Variants in KIT observed in about 807,000 individuals in gnomAD.
KIT encodes mast/stem cell growth factor receptor Kit.
Under a neutral mutation model 105.7 loss-of-function variants are expected in KIT, and 16 were observed. The observed-to-expected ratio is 0.15, with a 90% CI of 0.10 to 0.23. KIT has a LOEUF of 0.23. Ranked by LOEUF, KIT falls within the 10% of genes least tolerant of loss-of-function variation. The pLI is 1.00. For synonymous variants in KIT, 438 were observed against 441.1 expected (o/e 0.99, Z 0.09); for missense variants, 858 against 1,213.8 (o/e 0.71, Z 4.36).
intron 1 of KIT, among the ~76,000 whole-genome samples, chr4:54,690,039 G>C (rs1017678243): frequency 4.3e-5 from 6 of 138,926 alleles, no homozygotes; most frequent in African/African-American, 1.4e-4. Context: ...GGCATGTATA[G>C]AATGTTACTT....
chr4:54,722,112 A>G (rs140166889), intron 7 of KIT, among the ~76,000 whole-genome samples: 9,457 of 152,030 alleles, frequency 0.062, 952 homozygotes, highest in African/African-American at 0.21. Context: ...CAGCCTACCG[A>G]GTAGCTGGGA....
At chr4:54,709,230 AG>A (rs2109713314) in intron 6 of KIT, among the ~76,000 whole-genome samples, 193 bp from the exon 7 acceptor site, 1 of 152,328 alleles carries the variant, frequency 6.6e-6, no homozygotes, top group African/African-American at 2.4e-5. Context: ...CTCTCACAAC[AG>A]GCGTTGGTCC....
intron 1 of KIT, among the ~76,000 whole-genome samples, chr4:54,685,910 C>G (rs1009881944): frequency 6.6e-6 from 1 of 152,216 alleles, no homozygotes; most frequent in South Asian, 2.1e-4. Context: ...TTTCCCAGCT[C>G]AGTTCTACAT....
At chr4:54,705,927 AG>A (rs1377306507) in intron 5 of KIT, among the ~76,000 whole-genome samples, 1 of 152,180 alleles carries the variant, frequency 6.6e-6, no homozygotes, top group Non-Finnish European at 1.5e-5. Context: ...ATTAAGTAAA[AG>A]GTATGCTAAA....
intron 1 of KIT, among the ~76,000 whole-genome samples, chr4:54,661,941 A>T (rs768376552): frequency 9.9e-5 from 15 of 152,256 alleles, no homozygotes; most frequent in Non-Finnish European, 1.6e-4. Flanking sequence ...AAGACTCTTA[A>T]TAAGTAAAGA....
intron 8 of KIT, 73 bp from the exon 9 acceptor site, chr4:54,725,784 C>T (rs2109767284): frequency 1.5e-6 from 2 of 1,334,752 alleles, no homozygotes; most frequent in Non-Finnish European, 2.1e-6. Context: ...TAAAAGTATG[C>T]CACATCCCAA....
intron 1 of KIT, among the ~76,000 whole-genome samples, chr4:54,690,427 A>G (rs1326516345): frequency 6.6e-6 from 1 of 152,214 alleles, no homozygotes; most frequent in Non-Finnish European, 1.5e-5. Flanking sequence ...TAGGTTCAGC[A>G]CTTACCAAGT....
chr4:54,686,903 G>A (rs1719345936), intron 1 of KIT, among the ~76,000 whole-genome samples: 1 of 152,060 alleles, frequency 6.6e-6, no homozygotes, highest in Non-Finnish European at 1.5e-5. Flanking sequence ...CTGTATTACT[G>A]GATTAAAGAT....
intron 6 of KIT, 88 bp from the exon 7 acceptor site, chr4:54,709,336 G>A: frequency 1.2e-6 from 1 of 838,642 alleles, no homozygotes. Flanking sequence ...CCTCAAACAG[G>A]CATAGATTTC....
chr4:54,675,563 C>A (rs1718407998), intron 1 of KIT, among the ~76,000 whole-genome samples: 1 of 152,074 alleles, frequency 6.6e-6, no homozygotes, highest in African/African-American at 2.4e-5. Flanking sequence ...GCTTTTAAAC[C>A]AATGTGATTG....
At chr4:54,676,849 C>G (rs544318848) in intron 1 of KIT, among the ~76,000 whole-genome samples, 30 of 152,244 alleles carry the variant, frequency 2.0e-4, no homozygotes, top group African/African-American at 6.5e-4. Context: ...AGGAGCTGCC[C>G]TTCTGTCCAC....
At chr4:54,690,885 T>G (rs1237348019) in intron 1 of KIT, among the ~76,000 whole-genome samples, 1 of 152,216 alleles carries the variant, frequency 6.6e-6, no homozygotes, top group Non-Finnish European at 1.5e-5. Context: ...GAATAAACAT[T>G]ACAGTCCCAC....
At chr4:54,671,316 G>A (rs1486417227) in intron 1 of KIT, among the ~76,000 whole-genome samples, 2 of 152,126 alleles carry the variant, frequency 1.3e-5, no homozygotes, top group Non-Finnish European at 2.9e-5. Context: ...TCTGGTTCTC[G>A]AGAAGGAATC....
At chr4:54,686,582 C>T (rs569053180) in intron 1 of KIT, among the ~76,000 whole-genome samples, 2 of 152,222 alleles carry the variant, frequency 1.3e-5, no homozygotes, top group South Asian at 4.1e-4. Flanking sequence ...CCTTACTCCA[C>T]TCCTCAGGCT....
Position 54,738,622 on chromosome 4 carries a change from T to C in KIT, c.*65T>C. The C allele has an allele frequency of 6.3e-7, 1 of 1,592,752 alleles. No homozygotes were observed. The highest frequency in any genetic ancestry group is 8.6e-7 in the Non-Finnish European group (1 of 1,168,294). Reference sequence around the variant, plus strand: ...CTTCTTTTGGCTTCCATGATGGTTATTTTCTTTTCTTTCAACTTGCATCCA... The same window carrying C: ...CTTCTTTTGGCTTCCATGATGGTTACTTTCTTTTCTTTCAACTTGCATCCA... On this transcript the variant is annotated 3_prime_UTR_variant, in exon 21 of 21. Coordinates refer to ENST00000288135, the MANE Select transcript of KIT (RefSeq NM_000222.3).
intron 1 of KIT, among the ~76,000 whole-genome samples, chr4:54,684,015 C>T (rs970591012): frequency 1.3e-5 from 2 of 152,144 alleles, no homozygotes; most frequent in South Asian, 2.1e-4. Context: ...AAGGTGGGAT[C>T]GGCACAAATG....
At chr4:54,708,498 G>A (rs2969162) in intron 6 of KIT, among the ~76,000 whole-genome samples, 2 of 152,268 alleles carry the variant, frequency 1.3e-5, no homozygotes, top group Non-Finnish European at 2.9e-5. Context: ...CTTACTGGCT[G>A]CAGACCTGGC....
intron 1 of KIT, among the ~76,000 whole-genome samples, chr4:54,660,290 G>A (rs879137593): frequency 6.6e-6 from 1 of 151,848 alleles, no homozygotes; most frequent in Admixed American, 6.6e-5. Flanking sequence ...GAGGGCCCCC[G>A]CCCCCCAAGT....
rs1160506536 is a variant in KIT at position 54,723,611 on chromosome 4, G to T, written c.1259G>T (p.Arg420Met). ...AAACCAGAAATCCTGACTTACGACA[G>T]GCTCGTGAATGGCATGCTCCAATGT... is the stretch of plus-strand genomic sequence containing the variant. Reference protein sequence around the residue: ...NTKPEILTYDRLVNGMLQCVA... With the variant: ...NTKPEILTYDMLVNGMLQCVA... Residue 420 changes from arginine (R) to methionine (M), a missense_variant, in exon 8 of 21, where the codon AGG (arginine) becomes ATG (methionine). Transcript: ENST00000288135. 6.2e-7 allele frequency: 1 copy of T among 1,613,948 alleles called. No individual in the cohort carries two copies. Among genetic ancestry groups the T allele is most frequent in the Non-Finnish European group, 8.5e-7 (1 of 1,179,966 alleles).
Sources: allele counts gnomAD v4.1 joint callset (sites outside exome capture counted in the v4.1 genomes callset), GRCh38; gene constraint gnomAD v4.1.1; transcripts MANE v1.5; gene names NCBI Gene and HGNC (gene_info 2026-07-23, HGNC 2026-07-21).